Variants in LRCH1 observed in about 807,000 individuals in gnomAD.
The protein encoded by LRCH1 is leucine-rich repeat and calponin homology domain-containing protein 1.
In LRCH1, 23 loss-of-function variants were observed where a neutral mutation model predicts 94.9. The ratio of observed to expected loss-of-function variants is 0.24; its 90% confidence interval spans 0.17 to 0.34. The LOEUF is 0.34. LRCH1 is among the 10% of genes least tolerant of loss of function. The pLI is 1.00. For missense variants in LRCH1, 790 were observed against 945.9 expected (o/e 0.84, Z 2.16); for synonymous variants, 364 against 354.9 (o/e 1.03, Z -0.29).
At chr13:46,752,056 G>C (rs1169753255) in exon 19 of LRCH1, 1 of 152,752 alleles carries the variant, frequency 6.5e-6, no homozygotes, top group Non-Finnish European at 1.5e-5. Flanking sequence ...AGTGGAGTTT[G>C]TGAGGCTGAG....
intron 7 of LRCH1, 147 bp from the exon 8 acceptor site, chr13:46,692,389 A>T: frequency 1.7e-6 from 1 of 574,634 alleles, no homozygotes; most frequent in Non-Finnish European, 3.0e-6. Flanking sequence ...TTGAACTTAC[A>T]TAAGTGGAAT....
intron 1 of LRCH1, among the ~76,000 whole-genome samples, chr13:46,591,230 A>G (rs2050496108): frequency 6.6e-6 from 1 of 152,252 alleles, no homozygotes. Flanking sequence ...AAATAATTTT[A>G]GGATATAAAA....
At chr13:46,678,714 C>T (rs1041784358) in intron 3 of LRCH1, among the ~76,000 whole-genome samples, 3 of 152,066 alleles carry the variant, frequency 2.0e-5, no homozygotes, top group South Asian at 4.1e-4. Flanking sequence ...TCAAATATCG[C>T]TAGGGGGAGT....
intron 17 of LRCH1, among the ~76,000 whole-genome samples, chr13:46,725,585 C>T (rs1172525241): frequency 2.0e-5 from 3 of 152,092 alleles, no homozygotes; most frequent in Admixed American, 6.6e-5. Context: ...ATGAGTTCTA[C>T]AAATGAGCAG....
intron 7 of LRCH1, among the ~76,000 whole-genome samples, chr13:46,689,703 T>TCTTA (rs1273502445): frequency 2.7e-5 from 3 of 110,412 alleles, no homozygotes; most frequent in African/African-American, 1.2e-4. Flanking sequence ...TTCCTCAGAC[T>TCTTA]CTTAGATTGT....
chr13:46,657,223 T>C, intron 2 of LRCH1, among the ~76,000 whole-genome samples: 1 of 151,944 alleles, frequency 6.6e-6, no homozygotes. Flanking sequence ...AAGTTTATTC[T>C]GCCAGCCCCA....
intron 18 of LRCH1, chr13:46,750,471 G>A (rs1874079350): frequency 2.7e-6 from 3 of 1,112,184 alleles, no homozygotes; most frequent in African/African-American, 1.6e-5. Context: ...TGTCATCAAC[G>A]ATGTAGCAGG....
At chr13:46,564,320 C>T (rs146795308) in intron 1 of LRCH1, among the ~76,000 whole-genome samples, 1 of 152,298 alleles carries the variant, frequency 6.6e-6, no homozygotes, top group African/African-American at 2.4e-5. Flanking sequence ...CCCACAAAGC[C>T]CTGTTTAACC....
chr13:46,617,638 C>T (rs1047345874), intron 1 of LRCH1, among the ~76,000 whole-genome samples: 2 of 152,188 alleles, frequency 1.3e-5, no homozygotes, highest in African/African-American at 2.4e-5. Flanking sequence ...ATTTGGATGT[C>T]GTTGGTCCTT....
chr13:46,696,483 CAGTT>C (rs1871196886), intron 9 of LRCH1, among the ~76,000 whole-genome samples: 1 of 152,088 alleles, frequency 6.6e-6, no homozygotes, highest in African/African-American at 2.4e-5. Context: ...GGAAACAAAG[CAGTT>C]AGTAAGAATA....
Position 46,553,543 on chromosome 13 carries a change from C to T in LRCH1, c.147C>T (p.Gly49=). ...CCCCCGGCGGGGCGGGTGGTGGCGGCGGTGGCAGCGGGGGCTTCAACCTGC... is the reference window on the plus strand; with the variant it reads ...CCCCCGGCGGGGCGGGTGGTGGCGGTGGTGGCAGCGGGGGCTTCAACCTGC... The part of the protein sequence containing the change: ...TGAPGGAGGG[G]GGSGGFNLPL... The change falls in exon 1 of 20, where the codon GGC becomes GGT. Residue 49 remains glycine (G), a synonymous_variant. Coordinates refer to ENST00000389797, the MANE Select transcript of LRCH1 (RefSeq NM_001164211.2). 1.3e-6 allele frequency: 2 copies of T among 1,545,718 alleles called. No homozygotes were observed. Among genetic ancestry groups the T allele is most frequent in the South Asian group, 2.4e-5 (2 of 83,782 alleles).
At chr13:46,626,386 T>G (rs2050950300) in intron 1 of LRCH1, among the ~76,000 whole-genome samples, 1 of 152,228 alleles carries the variant, frequency 6.6e-6, no homozygotes, top group Non-Finnish European at 1.5e-5. Context: ...AAAAATAGCC[T>G]TAACTGATGA....
rs774124270 is a variant in LRCH1, at chr13:46,729,016, T to C, written c.2007+32T>C. 6.9e-6 allele frequency: 11 copies of C among 1,600,014 alleles called. No homozygotes were observed. In the African/African-American group the frequency reaches 1.3e-4, roughly 19 times the overall value. On this transcript the variant is annotated intron_variant, in intron 18 of 19. Coordinates refer to ENST00000389797, the MANE Select transcript of LRCH1 (RefSeq NM_001164211.2). The stretch of plus-strand genomic sequence containing the variant: ...AACACCAAAGGGAAACTAACTGACA[T>C]AAAACAGACCTTTAGGGGGCACTGT...
Position 46,650,285 on chromosome 13 carries a change from G to T in LRCH1, c.392G>T (p.Cys131Phe). Reference sequence around the variant, plus strand: ...GAAATTCTTAATCTGTATCACAACTGTATCAGAGTCATTCCTGAGGCCATC... The same window carrying T: ...GAAATTCTTAATCTGTATCACAACTTTATCAGAGTCATTCCTGAGGCCATC... ...SLEILNLYHN[C>F]IRVIPEAIVN... Residue 131 changes from cysteine (C) to phenylalanine (F), a missense_variant, in exon 2 of 20, where the codon TGT becomes TTT. This residue lies in a region of LRCH1 where 194 missense variants were observed against 293.5 expected (regional missense o/e 0.66). Coordinates refer to ENST00000389797, the MANE Select transcript of LRCH1 (RefSeq NM_001164211.2). The T allele has an allele frequency of 6.2e-7, 1 of 1,611,650 alleles. No individual in the cohort carries two copies. The highest frequency in any genetic ancestry group is 1.3e-5 in the African/African-American group (1 of 74,942).
chr13:46,605,997 CAGTA>C (rs1464609244), intron 1 of LRCH1, among the ~76,000 whole-genome samples: 37 of 152,162 alleles, frequency 2.4e-4, no homozygotes, highest in Non-Finnish European at 1.8e-4. Flanking sequence ...CAAGGTCACA[CAGTA>C]AGTGAGTGAT....
chr13:46,553,761 C>T (rs1417050599), intron 1 of LRCH1, 58 bp downstream of exon 1: 2 of 1,582,468 alleles, frequency 1.3e-6, no homozygotes, highest in Non-Finnish European at 8.6e-7. Flanking sequence ...GTCTGTCGTG[C>T]GTTCCCTAAC....
At chr13:46,564,007 C>CA (rs1405148163) in intron 1 of LRCH1, among the ~76,000 whole-genome samples, 4 of 150,500 alleles carry the variant, frequency 2.7e-5, no homozygotes, top group Admixed American at 6.6e-5. Context: ...GTGGGCCTCC[C>CA]AAAAAACAAA....
Position 46,553,365 on chromosome 13 carries a change from C to T in LRCH1, c.-32C>T, listed in dbSNP as rs1159008342. The T allele has an allele frequency of 8.7e-6, 13 of 1,497,380 alleles. No homozygotes were observed. The South Asian group carries it at 1.7e-4, about 19-fold the overall frequency. 92.8% of individuals were successfully genotyped at this position (1,497,380 alleles called of 1,614,324 possible). A position where few individuals can be genotyped will look rare whatever the true frequency, so the allele number is the denominator to read the frequency against. ...GAACGCTGTGACCCCCCCGCAGGAG[C>T]GGCGGGGCGGGGTGGGGGGGCCCGG... On this transcript the variant is annotated 5_prime_UTR_variant, in exon 1 of 20. Coordinates refer to ENST00000389797, the MANE Select transcript of LRCH1 (RefSeq NM_001164211.2).
rs115372900 is a variant in LRCH1 at position 46,632,846 on chromosome 13, A to G, written c.308-17355A>G. ...TTTTGGAAATGATATGTTTGAAAAT[A>G]ATATACCCGTTAAATATATTTCCTT... On this transcript the variant is annotated intron_variant, in intron 1 of 19. Coordinates refer to ENST00000389797, the MANE Select transcript of LRCH1 (RefSeq NM_001164211.2). Among the ~76,000 whole-genome samples the G allele has an allele frequency of 7.7e-3, 1,174 of 152,356 alleles. 14 individuals carry two copies. Among genetic ancestry groups the G allele is most frequent in the African/African-American group, 0.026 (1,099 of 41,586 alleles).
Sources: allele counts gnomAD v4.1 joint callset (sites outside exome capture counted in the v4.1 genomes callset), GRCh38; gene constraint gnomAD v4.1.1; regional missense constraint gnomAD v4.1.1; transcripts MANE v1.5; gene names NCBI Gene and HGNC (gene_info 2026-07-23, HGNC 2026-07-21).